The following ME1 variants were observed in gnomAD, a reference collection of about 807,000 sequenced individuals.
ME1 encodes NADP-dependent malic enzyme.
In ME1, 74 loss-of-function variants were observed where a neutral mutation model predicts 66.4. That is an observed-to-expected ratio of 1.11 (90% CI 0.92 to 1.35). The LOEUF (loss-of-function observed/expected upper bound fraction) is 1.35, where lower values mean the gene tolerates loss of function less well. Ranked by LOEUF, ME1 falls within the 40% of genes most tolerant of loss-of-function variation. The pLI is 0.00. For synonymous variants in ME1, 251 were observed against 235.6 expected, an observed-to-expected ratio of 1.07 and a Z score of -0.60; for missense variants, 750 against 694.1, an observed-to-expected ratio of 1.08 and a Z score of -0.90.
At chr6:83,412,826 T>C (rs1770077882) in intron 1 of ME1, among the ~76,000 whole-genome samples, 1 of 151,796 alleles carries the variant, frequency 6.6e-6, no homozygotes, top group South Asian at 2.1e-4. Context: ...GGACTGGGAG[T>C]GGAAAAAAGG....
chr6:83,290,853 T>A (rs925390178), intron 6 of ME1, among the ~76,000 whole-genome samples: 3 of 152,234 alleles, frequency 2.0e-5, no homozygotes, highest in Non-Finnish European at 4.4e-5. Context: ...TCTTGTTGAA[T>A]TGATCCCTTT....
intron 6 of ME1, among the ~76,000 whole-genome samples, chr6:83,274,591 C>T (rs1336833626): frequency 6.6e-6 from 1 of 151,942 alleles, no homozygotes; most frequent in African/African-American, 2.4e-5. Context: ...TAGTTTAATT[C>T]CAGGATAGAA....
At chr6:83,228,631 T>G (rs537614997) in intron 10 of ME1, among the ~76,000 whole-genome samples, 195 bp downstream of exon 10, 3 of 152,238 alleles carry the variant, frequency 2.0e-5, no homozygotes, top group Admixed American at 6.5e-5. Flanking sequence ...GGCCATACGC[T>G]TCATCTCAGA....
intron 6 of ME1, among the ~76,000 whole-genome samples, chr6:83,297,283 C>T (rs947501221): frequency 6.6e-6 from 1 of 151,994 alleles, no homozygotes; most frequent in Non-Finnish European, 1.5e-5. Flanking sequence ...CTGACAACTA[C>T]AAAACACTGC....
intron 3 of ME1, among the ~76,000 whole-genome samples, chr6:83,376,617 G>A (rs535051670): frequency 2.7e-5 from 4 of 148,372 alleles, no homozygotes; most frequent in East Asian, 2.0e-4. Flanking sequence ...CCTGGCCAAC[G>A]TGGCGAAACT....
At chr6:83,399,383 C>T (rs1177330073) in intron 2 of ME1, among the ~76,000 whole-genome samples, 1 of 152,120 alleles carries the variant, frequency 6.6e-6, no homozygotes, top group African/African-American at 2.4e-5. Context: ...TGAAATAGCA[C>T]AGTTTTATTT....
rs1769977605 is a variant in ME1, at chr6:83,407,906, A to G, written c.79-5T>C. 6.3e-7 allele frequency: 1 copy of G among 1,596,020 alleles called. No individual in the cohort carries two copies. The highest frequency in any genetic ancestry group is 1.9e-5 in the Admixed American group (1 of 54,028). On this transcript the variant is annotated splice_polypyrimidine_tract_variant and splice_region_variant and intron_variant, in intron 1 of 13. Coordinates refer to ENST00000369705, the MANE Select transcript of ME1 (RefSeq NM_002395.6). ...TTCCAGGGTAAAGGCCAAGTCCTAT[A>G]GAGAAAAAACACACACACACACACA...
chr6:83,292,963 G>T (rs1767531266), intron 6 of ME1, among the ~76,000 whole-genome samples: 1 of 152,170 alleles, frequency 6.6e-6, no homozygotes, highest in African/African-American at 2.4e-5. Context: ...GCATGGGAGG[G>T]GATCTCCTGG....
chr6:83,426,122 A>T lies in ME1; in HGVS notation c.78+4755T>A, dbSNP rs149179760. ...GGAGGACCTTCCCAGATGCTATATC[A>T]CACAGCTAATTGGGAGGCTTGGGAC... On this transcript the variant is annotated intron_variant, in intron 1 of 13. Transcript: ENST00000369705. Among the ~76,000 whole-genome samples the T allele has an allele frequency of 4.8e-3, 729 of 152,326 alleles. 3 individuals are homozygous for T. Among genetic ancestry groups the T allele is most frequent in the African/African-American group, 0.016 (669 of 41,582 alleles).
At chr6:83,214,110 C>T (rs1006176539) in intron 13 of ME1, among the ~76,000 whole-genome samples, 1 of 152,162 alleles carries the variant, frequency 6.6e-6, no homozygotes, top group African/African-American at 2.4e-5. Context: ...AATATTACCA[C>T]ATTCAGTTTT....
chr6:83,266,235 G>A (rs144362680), intron 6 of ME1, among the ~76,000 whole-genome samples: 41 of 152,268 alleles, frequency 2.7e-4, no homozygotes, highest in Non-Finnish European at 5.9e-4. Context: ...GACTTTGCAT[G>A]TATAACTGCT....
intron 6 of ME1, among the ~76,000 whole-genome samples, chr6:83,293,545 G>T (rs1033281958): frequency 3.3e-5 from 5 of 152,042 alleles, no homozygotes; most frequent in Non-Finnish European, 4.4e-5. Context: ...TTTTATTTAG[G>T]TATGTTTTAC....
At position 83,315,388 on chromosome 6, in the gene ME1, A is replaced by T. The variant is rs1463554288; in HGVS notation, c.626T>A (p.Ile209Asn). 7 of 1,606,234 alleles carry T rather than the reference A, an allele frequency of 4.4e-6. No homozygotes were observed. The highest frequency in any genetic ancestry group is 6.0e-6 in the Non-Finnish European group (7 of 1,176,266). Residue 209 changes from isoleucine to asparagine, a missense_variant, in exon 6 of 14, where the codon ATT becomes AAT. Physicochemically the swap from Ile to Asn is moderately radical, Grantham distance 149. Transcript: ENST00000369705. ...NEELLKDPLY[I>N]GLRQRRVRGS... is the part of the protein sequence containing the mutation. The stretch of plus-strand genomic sequence containing the variant: ...TCTTACTCTTCTCTGCCGTAGTCCA[A>T]TGTAGAGTGGATCTTTAAGTAACTC...
intron 5 of ME1, among the ~76,000 whole-genome samples, chr6:83,328,996 A>G (rs1375336860): frequency 6.6e-6 from 1 of 152,204 alleles, no homozygotes; most frequent in African/African-American, 2.4e-5. Context: ...TGCACCCTTC[A>G]GAATTTATAA....
chr6:83,256,095 G>T (rs535013863), intron 6 of ME1, among the ~76,000 whole-genome samples: 25 of 152,122 alleles, frequency 1.6e-4, no homozygotes, highest in Non-Finnish European at 3.5e-4. Flanking sequence ...TGGAGTCAGA[G>T]CTCCTGGGAT....
At chr6:83,251,489 G>T (rs905238375) in intron 7 of ME1, among the ~76,000 whole-genome samples, 1 of 143,026 alleles carries the variant, frequency 7.0e-6, no homozygotes, top group African/African-American at 3.0e-5. Flanking sequence ...GCAAGACTCT[G>T]TCTCAAAAAA....
intron 3 of ME1, among the ~76,000 whole-genome samples, chr6:83,389,347 T>C (rs558694341): frequency 2.4e-4 from 36 of 152,246 alleles, no homozygotes; most frequent in African/African-American, 8.4e-4. Context: ...CATATACTAA[T>C]TGAACACCAA....
intron 6 of ME1, among the ~76,000 whole-genome samples, chr6:83,262,552 C>CTGTT (rs5877839): frequency 0.11 from 17,113 of 152,150 alleles, 1,071 homozygotes; most frequent in African/African-American, 0.16. Flanking sequence ...CTGAATCAAA[C>CTGTT]TGTTTATTTC....
intron 6 of ME1, among the ~76,000 whole-genome samples, chr6:83,301,725 G>A (rs1767724706): frequency 6.6e-6 from 1 of 152,152 alleles, no homozygotes; most frequent in African/African-American, 2.4e-5. Flanking sequence ...TTAGAGAAAT[G>A]TAAGTCAAAA....
Sources: gnomAD v4.1 joint callset for allele counts (sites outside exome capture counted in the v4.1 genomes callset) on GRCh38, gnomAD v4.1.1 for gene constraint, MANE v1.5 for transcripts, NCBI Gene and HGNC (gene_info 2026-07-23, HGNC 2026-07-21) for gene names.